LZTR1: variants seen among roughly 807,000 people sequenced by gnomAD.
The protein encoded by LZTR1 is leucine zipper like post translational regulator 1.
A neutral mutation model predicts 105.7 loss-of-function variants in LZTR1; 260 were observed. The ratio of observed to expected loss-of-function variants is 2.46; its 90% CI spans 2.22 to 2.72. The LOEUF is 2.72. LZTR1 is among the 30% of genes most tolerant of loss of function. The pLI is 0.00. For synonymous variants in LZTR1, 490 were observed against 476.4 expected, an observed-to-expected ratio of 1.03 and a Z score of -0.37; for missense variants, 1,214 against 1,166.9, an observed-to-expected ratio of 1.04 and a Z score of -0.59.
At chr22:20,986,942 G>A (rs1008110161) in intron 3 of LZTR1, 2 of 152,238 alleles carry the variant, frequency 1.3e-5, no homozygotes, top group African/African-American at 2.4e-5. Flanking sequence ...GCCTAAGTAT[G>A]CGTAGGAGAG....
In LZTR1 at chr22:20,995,719, C is replaced by T. The variant is rs78875388; in HGVS notation, c.1943-27C>T. On this transcript the variant is annotated intron_variant, in intron 16 of 20. Coordinates refer to ENST00000646124, the MANE Select transcript of LZTR1 (RefSeq NM_006767.4). The stretch of plus-strand genomic sequence containing the variant: ...CCCAAGGCCAGAATCCCAGGCTGTA[C>T]CTGCTCAGGGACCCTCCTACCCCCA... 1.5e-3 allele frequency: 2,342 copies of T among 1,612,628 alleles called. 41 individuals carry two copies. The African/African-American group carries it at 0.028, about 19-fold the overall frequency.
Position 20,997,216 on chromosome 22 carries a change from CCTG to C in LZTR1, c.2407-13_2407-11del. On this transcript the variant is annotated splice_polypyrimidine_tract_variant and intron_variant, in intron 20 of 20. Transcript: ENST00000646124. Reference sequence around the variant, plus strand: ...TGGATCTGGTCCCATCTCCTTCCGGCCTGCTTGCCTTACAGGTCTCCAAGTTGC... The same window carrying C: ...TGGATCTGGTCCCATCTCCTTCCGGCCTTGCCTTACAGGTCTCCAAGTTGC... The C allele has an allele frequency of 6.4e-7, 1 of 1,568,250 alleles. No homozygotes were observed. Among genetic ancestry groups the C allele is most frequent in the South Asian group, 1.1e-5 (1 of 90,114 alleles).
At chr22:20,990,758 C>T (rs914625279) in intron 8 of LZTR1, 8 of 506,910 alleles carry the variant, frequency 1.6e-5, no homozygotes, top group African/African-American at 9.8e-5. Flanking sequence ...GCTAGGCCTC[C>T]CTCTGAACGT....
chr22:20,990,526 G>C lies in LZTR1; in HGVS notation c.791+1G>C, dbSNP rs148031742. ...TCCAGTTTGAATTCAAGGACAAGAC[G>C]TGAGTACTCTGGCCAGTGGGGTGGA... On this transcript the variant is annotated splice_donor_variant, in intron 8 of 20. Coordinates refer to ENST00000646124, the MANE Select transcript of LZTR1 (RefSeq NM_006767.4). LOFTEE classifies it high-confidence loss of function. 6.2e-6 allele frequency: 10 copies of C among 1,608,382 alleles called. No individual in the cohort carries two copies. Among genetic ancestry groups the C allele is most frequent in the Admixed American group, 3.3e-5 (2 of 59,728 alleles).
rs1924706097 is a variant in LZTR1, at chr22:20,993,971, C to T, written c.1401C>T (p.Ser467=). The T allele has an allele frequency of 6.2e-7, 1 of 1,612,576 alleles. No homozygotes were observed. Among genetic ancestry groups the T allele is most frequent in the Non-Finnish European group, 8.5e-7 (1 of 1,179,846 alleles). ...QGHVAIVTAR[S]RWLRRKITQA... ...ACGTAGCCATTGTCACAGCGCGGAGCCGCTGGCTTCGCAGGAAGATCACGC... is the reference window on the plus strand; with the variant it reads ...ACGTAGCCATTGTCACAGCGCGGAGTCGCTGGCTTCGCAGGAAGATCACGC... Residue 467 remains serine (S), a synonymous_variant, in exon 13 of 21, where the codon AGC becomes AGT. Coordinates refer to ENST00000646124, the MANE Select transcript of LZTR1 (RefSeq NM_006767.4).
chr22:20,995,155 T>G, intron 16 of LZTR1, 129 bp downstream of exon 16: 1 of 1,024,986 alleles, frequency 9.8e-7, no homozygotes, highest in Non-Finnish European at 1.4e-6. Context: ...GACCCCAGAG[T>G]GCTCTCCTGG....
intron 4 of LZTR1, 82 bp downstream of exon 4, chr22:20,987,665 G>A: frequency 7.8e-7 from 1 of 1,284,654 alleles, no homozygotes; most frequent in Non-Finnish European, 1.1e-6. Context: ...TGGGGCATTT[G>A]TGCTCGTGCT....
intron 7 of LZTR1, among the ~76,000 whole-genome samples, chr22:20,990,000 C>G (rs548761878): frequency 6.6e-6 from 1 of 152,180 alleles, no homozygotes; most frequent in Non-Finnish European, 1.5e-5. Flanking sequence ...TGCTTTAACG[C>G]ACCCTTTATT....
chr22:20,990,532 A>G lies in LZTR1; in HGVS notation c.791+7A>G, dbSNP rs1162482915. On this transcript the variant is annotated splice_region_variant and intron_variant, in intron 8 of 20. Coordinates refer to ENST00000646124, the MANE Select transcript of LZTR1 (RefSeq NM_006767.4). Reference sequence around the variant, plus strand: ...TTGAATTCAAGGACAAGACGTGAGTACTCTGGCCAGTGGGGTGGAGGGAGG... The same window carrying G: ...TTGAATTCAAGGACAAGACGTGAGTGCTCTGGCCAGTGGGGTGGAGGGAGG... 1 of 1,604,148 alleles carries G rather than the reference A, an allele frequency of 6.2e-7. No homozygotes were observed. Among genetic ancestry groups the G allele is most frequent in the East Asian group, 2.2e-5 (1 of 44,740 alleles).
Position 20,985,484 on chromosome 22 carries a change from G to A in LZTR1, c.264-357G>A, listed in dbSNP as rs570505510. ...AGCTGCAGAGGAAGGGGATTGGGAC[G>A]TGTGAATAGGGGTTCTGGAGGCTAG... is the stretch of plus-strand genomic sequence containing the variant. On this transcript the variant is annotated intron_variant, in intron 2 of 20. Coordinates refer to ENST00000646124, the MANE Select transcript of LZTR1 (RefSeq NM_006767.4). Among the ~76,000 whole-genome samples the A allele has an allele frequency of 4.2e-5, 6 of 142,640 alleles. No individual in the cohort carries two copies. In the South Asian group the frequency reaches 1.0e-3, roughly 25 times the overall value. The allele number at this position is 142,640 out of a possible 152,430, so 93.6% of individuals were successfully genotyped here. A position where few individuals can be genotyped will look rare whatever the true frequency, so the allele number is the denominator to read the frequency against.
rs1304441906 is a variant in LZTR1, at chr22:20,998,846, T to C, written c.*1498T>C. On this transcript the variant is annotated 3_prime_UTR_variant, in exon 21 of 21. Coordinates refer to ENST00000646124, the MANE Select transcript of LZTR1 (RefSeq NM_006767.4). ...TGGGGCCACACACCCATCTACCCAGTTTCCACAAGATGTGGCTCCTGCCAC... is the reference window on the plus strand; with the variant it reads ...TGGGGCCACACACCCATCTACCCAGCTTCCACAAGATGTGGCTCCTGCCAC... 3 of 152,190 alleles carry C rather than the reference T, an allele frequency of 2.0e-5. No homozygotes were observed. The highest frequency in any genetic ancestry group is 4.4e-5 in the Non-Finnish European group (3 of 68,070). The allele number at this position is 152,190 out of a possible 1,614,324, so 9.4% of individuals were successfully genotyped here. A position where few individuals can be genotyped will look rare whatever the true frequency, so the allele number is the denominator to read the frequency against.
Position 20,988,002 on chromosome 22 carries a change from T to C in LZTR1, c.401-8T>C. 5 of 1,536,550 alleles carry C rather than the reference T, an allele frequency of 3.3e-6. No individual in the cohort carries two copies. Among genetic ancestry groups the C allele is most frequent in the Non-Finnish European group, 4.5e-6 (5 of 1,111,500 alleles). The stretch of plus-strand genomic sequence containing the variant: ...TGGGTTTGACAGTTTCTCACTCTCT[T>C]TACTCAGGGGGTTACACTGGGGACA... On this transcript the variant is annotated splice_region_variant and splice_polypyrimidine_tract_variant and intron_variant, in intron 4 of 20. Transcript: ENST00000646124.
Position 20,992,267 on chromosome 22 carries a change from C to G in LZTR1, c.1047C>G (p.Thr349=), listed in dbSNP as rs1405231936. The G allele has an allele frequency of 1.2e-6, 2 of 1,613,866 alleles. No homozygotes were observed. The highest frequency in any genetic ancestry group is 1.7e-6 in the Non-Finnish European group (2 of 1,179,982). ...ERACASEEVP[T]LTYEERVGFK... ...CCTGTGCTTCCGAGGAGGTGCCCAC[C>G]CTGACCTATGAGGAGCGGGTTGGCT... is the stretch of plus-strand genomic sequence containing the variant. Residue 349 remains threonine, a synonymous_variant, in exon 10 of 21, where the codon ACC becomes ACG. Coordinates refer to ENST00000646124, the MANE Select transcript of LZTR1 (RefSeq NM_006767.4).
At chr22:20,996,171 C>G (rs1487257850) in intron 18 of LZTR1, 59 bp downstream of exon 18, 6 of 1,581,114 alleles carry the variant, frequency 3.8e-6, no homozygotes, top group Admixed American at 1.7e-5. Context: ...GCACCCACCT[C>G]AGGTGGCTTT....
rs760640586 is a variant in LZTR1 at position 20,993,656 on chromosome 22, T to C, written c.1261-6T>C. On this transcript the variant is annotated splice_region_variant and splice_polypyrimidine_tract_variant and intron_variant, in intron 11 of 20. Transcript: ENST00000646124. ...AACATCTAGTCTCACTGGGCCCCTC[T>C]TGCAGTTCTCCTGTTACCCTAAATG... 5.0e-6 allele frequency: 8 copies of C among 1,612,264 alleles called. No individual in the cohort carries two copies. Among genetic ancestry groups the C allele is most frequent in the African/African-American group, 1.3e-5 (1 of 74,904 alleles).
In LZTR1 at chr22:20,995,762, G is replaced by A. The variant is rs372034133; in HGVS notation, c.1959G>A (p.Gln653=). The change falls in exon 17 of 21, where the codon CAG becomes CAA. Residue 653 remains glutamine (Q), a synonymous_variant. Coordinates refer to ENST00000646124, the MANE Select transcript of LZTR1 (RefSeq NM_006767.4). ...QPVDIGTSLI[Q]DMKAYLEGAG... ...TACCCCCAGGCACATCTCTGATCCA[G>A]GACATGAAGGCATACCTGGAGGGAG... 26 of 1,613,504 alleles carry A rather than the reference G, an allele frequency of 1.6e-5. No homozygotes were observed. The highest frequency in any genetic ancestry group is 1.9e-5 in the Non-Finnish European group (23 of 1,180,016).
chr22:20,988,338 C>T (rs1244750157), intron 5 of LZTR1, among the ~76,000 whole-genome samples: 2 of 152,246 alleles, frequency 1.3e-5, no homozygotes, highest in South Asian at 2.1e-4. Flanking sequence ...GGCGTGGTGG[C>T]GCATGCCTGT....
rs1041569569 is a variant in LZTR1 at position 20,997,248 on chromosome 22, C to T, written c.2423C>T (p.Thr808Ile). ...GCCTTACAGGTCTCCAAGTTGCCCA[C>T]CCTGCGGTCGCTGAGCCAGCAGCTG... ...HQFTKVSKLPTLRSLSQQLLL... is the reference protein window; with the variant it reads ...HQFTKVSKLPILRSLSQQLLL... The change falls in exon 21 of 21, where the codon ACC (threonine) becomes ATC (isoleucine). Residue 808 changes from threonine (T) to isoleucine (I), a missense_variant. Coordinates refer to ENST00000646124, the MANE Select transcript of LZTR1 (RefSeq NM_006767.4). The T allele has an allele frequency of 8.7e-6, 14 of 1,613,528 alleles. No homozygotes were observed. Among genetic ancestry groups the T allele is most frequent in the Non-Finnish European group, 1.2e-5 (14 of 1,179,572 alleles).
chr22:20,994,524 C>G (rs759186592), intron 14 of LZTR1, 34 bp from the exon 15 acceptor site: 1 of 1,597,440 alleles, frequency 6.3e-7, no homozygotes, highest in East Asian at 2.2e-5. Context: ...CTCCCCTCTC[C>G]GGCTCCCTGA....
Sources: gnomAD v4.1 joint callset for allele counts (sites outside exome capture counted in the v4.1 genomes callset) on GRCh38, gnomAD v4.1.1 for gene constraint, MANE v1.5 for transcripts, NCBI Gene and HGNC (gene_info 2026-07-23, HGNC 2026-07-21) for gene names.